ARHGEF17: variants seen among roughly 807,000 people sequenced by gnomAD.
ARHGEF17 encodes the protein 164 kDa Rho-specific guanine-nucleotide exchange factor.
A neutral mutation model predicts 174.0 loss-of-function variants in ARHGEF17; 80 were observed. That is an observed-to-expected ratio of 0.46 (90% CI 0.38 to 0.55). ARHGEF17 has a LOEUF of 0.55. Ranked by LOEUF, ARHGEF17 falls within the 20% of genes least tolerant of loss-of-function variation. ARHGEF17 has a pLI of 0.00. For missense variants in ARHGEF17, 2,886 were observed against 2,839.7 expected (o/e 1.02, Z -0.37); for synonymous variants, 1,311 against 1,189.1 (o/e 1.10, Z -2.11).
Position 73,340,647 on chromosome 11 carries a change from A to G in ARHGEF17, c.3193-6236A>G, listed in dbSNP as rs569880727. On this transcript the variant is annotated intron_variant, in intron 1 of 20. Coordinates refer to ENST00000263674, the MANE Select transcript of ARHGEF17 (RefSeq NM_014786.4). ...AGGAAGCTGATGCCCAGGGTTGTGTAGCTTGAGAGGGTCAGATGAGGGACG... is the reference window on the plus strand; with the variant it reads ...AGGAAGCTGATGCCCAGGGTTGTGTGGCTTGAGAGGGTCAGATGAGGGACG... Among the ~76,000 whole-genome samples, 3 of 152,322 alleles carry G rather than the reference A, an allele frequency of 2.0e-5. No homozygotes were observed. The South Asian group carries it at 6.2e-4, about 32-fold the overall frequency.
chr11:73,354,241 C>T (rs1372507085), intron 3 of ARHGEF17, among the ~76,000 whole-genome samples: 1 of 152,208 alleles, frequency 6.6e-6, no homozygotes, highest in Non-Finnish European at 1.5e-5. Context: ...TCAGTAAGCT[C>T]AGCCCCCTGC....
intron 1 of ARHGEF17, among the ~76,000 whole-genome samples, chr11:73,340,580 G>C (rs55771351): frequency 0.31 from 46,799 of 152,094 alleles, 9,456 homozygotes; most frequent in African/African-American, 0.58. Context: ...ATGGATGCAC[G>C]TCTCTAAATC....
chr11:73,361,812 C>T (rs1249435420), intron 12 of ARHGEF17, among the ~76,000 whole-genome samples: 1 of 151,728 alleles, frequency 6.6e-6, no homozygotes, highest in Non-Finnish European at 1.5e-5. Flanking sequence ...CATGAACCCA[C>T]CACTGCACCC....
intron 1 of ARHGEF17, among the ~76,000 whole-genome samples, chr11:73,313,597 G>A (rs967696091): frequency 6.6e-6 from 1 of 152,136 alleles, no homozygotes; most frequent in African/African-American, 2.4e-5. Flanking sequence ...GGACAGATCT[G>A]CCATAACATG....
At chr11:73,344,707 G>A (rs1335589403) in intron 1 of ARHGEF17, among the ~76,000 whole-genome samples, 2 of 152,244 alleles carry the variant, frequency 1.3e-5, no homozygotes, top group Non-Finnish European at 2.9e-5. Flanking sequence ...GTGATGGGAG[G>A]GCGGGGTTAT....
chr11:73,334,171 A>G (rs763884993), intron 1 of ARHGEF17, among the ~76,000 whole-genome samples: 6 of 152,212 alleles, frequency 3.9e-5, no homozygotes, highest in Non-Finnish European at 8.8e-5. Flanking sequence ...AGGTCTTTCA[A>G]TATGCCAAAA....
At chr11:73,354,110 G>A (rs946636095) in intron 3 of ARHGEF17, among the ~76,000 whole-genome samples, 1 of 152,202 alleles carries the variant, frequency 6.6e-6, no homozygotes, top group Non-Finnish European at 1.5e-5. Flanking sequence ...GCTGTGGGGT[G>A]GGGCCTTGAA....
rs1468842064 is a variant in ARHGEF17 at position 73,311,172 on chromosome 11, C to T, written c.2534C>T (p.Pro845Leu). 37 of 1,597,236 alleles carry T rather than the reference C, an allele frequency of 2.3e-5. No individual in the cohort carries two copies. The highest frequency in any genetic ancestry group is 2.6e-6 in the Non-Finnish European group (3 of 1,169,262). Residue 845 changes from proline to leucine, a missense_variant, in exon 1 of 21, where the codon CCT becomes CTT. Around this residue, in one of 4 missense-constraint regions of ARHGEF17, gnomAD observed 1,728 missense variants for 1,461.2 expected, o/e 1.18. Coordinates refer to ENST00000263674, the MANE Select transcript of ARHGEF17 (RefSeq NM_014786.4). ...GELAGPGFEG[P>L]GGEPIREVEP... The stretch of plus-strand genomic sequence containing the variant: ...CTGGCTGGGCCTGGATTCGAGGGCC[C>T]TGGAGGGGAGCCCATCCGAGAAGTT...
chr11:73,324,251 C>CATTAAAAA (rs1865065930), intron 1 of ARHGEF17, among the ~76,000 whole-genome samples: 2 of 146,388 alleles, frequency 1.4e-5, no homozygotes, highest in African/African-American at 2.5e-5. Flanking sequence ...CAGTTTGCCC[C>CATTAAAAA]GTGACCCAAT....
chr11:73,312,786 C>A (rs535640673), intron 1 of ARHGEF17, among the ~76,000 whole-genome samples: 1 of 152,026 alleles, frequency 6.6e-6, no homozygotes, highest in Non-Finnish European at 1.5e-5. Flanking sequence ...CACTCTACCC[C>A]CTTCTTGGTG....
At chr11:73,337,322 G>T (rs1010256482) in intron 1 of ARHGEF17, among the ~76,000 whole-genome samples, 2 of 150,982 alleles carry the variant, frequency 1.3e-5, no homozygotes, top group African/African-American at 4.9e-5. Flanking sequence ...CAGGAGGATC[G>T]CTTGAGCCCA....
chr11:73,355,762 GCT>G, intron 4 of ARHGEF17, 97 bp from the exon 5 acceptor site: 1 of 1,564,178 alleles, frequency 6.4e-7, no homozygotes, highest in Non-Finnish European at 8.8e-7. Context: ...GCCAGCCTCC[GCT>G]CTCAGGCTGA....
intron 1 of ARHGEF17, among the ~76,000 whole-genome samples, chr11:73,323,623 C>A (rs891160541): frequency 1.3e-5 from 2 of 152,196 alleles, no homozygotes; most frequent in African/African-American, 2.4e-5. Context: ...CAGCTCCTGC[C>A]GCTCCTGGGC....
chr11:73,364,858 G>A (rs1356082384), intron 18 of ARHGEF17: 1 of 462,438 alleles, frequency 2.2e-6, no homozygotes, highest in Non-Finnish European at 3.7e-6. Context: ...CTCAACTCAG[G>A]TTTTAGGGTC....
At chr11:73,316,609 G>T (rs1864932639) in intron 1 of ARHGEF17, among the ~76,000 whole-genome samples, 1 of 152,248 alleles carries the variant, frequency 6.6e-6, no homozygotes, top group Admixed American at 6.5e-5. Context: ...GAGAGGAACA[G>T]CAGATGCAAA....
chr11:73,341,346 A>C (rs1865365154), intron 1 of ARHGEF17, among the ~76,000 whole-genome samples: 1 of 152,090 alleles, frequency 6.6e-6, no homozygotes, highest in Non-Finnish European at 1.5e-5. Context: ...GCTGGAGTGC[A>C]ATGGTGCGAC....
chr11:73,331,365 C>G (rs1402635471), intron 1 of ARHGEF17, among the ~76,000 whole-genome samples: 1 of 152,148 alleles, frequency 6.6e-6, no homozygotes, highest in Non-Finnish European at 1.5e-5. Flanking sequence ...GGAGGGGACC[C>G]TGGACCCCTG....
In ARHGEF17 at chr11:73,308,773, G is replaced by A; in HGVS notation, c.135G>A (p.Arg45=). Residue 45 remains arginine (R), a synonymous_variant, in exon 1 of 21, where the codon CGG becomes CGA. Transcript: ENST00000263674. ...TPGLRRRASC[R]PTTAARGQPS... The stretch of plus-strand genomic sequence containing the variant: ...GCTTGAGGCGACGCGCCTCGTGCCG[G>A]CCGACCACGGCTGCCCGGGGCCAGC... 2.1e-6 allele frequency: 3 copies of A among 1,434,178 alleles called. No homozygotes were observed. The highest frequency in any genetic ancestry group is 2.7e-6 in the Non-Finnish European group (3 of 1,101,866). The allele number at this position is 1,434,178 out of a possible 1,614,324, so 88.8% of individuals were successfully genotyped here.
chr11:73,355,573 T>C lies in ARHGEF17; in HGVS notation c.3494T>C (p.Ile1165Thr). The C allele has an allele frequency of 2.5e-6, 4 of 1,614,182 alleles. No individual in the cohort carries two copies. Among genetic ancestry groups the C allele is most frequent in the Non-Finnish European group, 3.4e-6 (4 of 1,180,018 alleles). The change falls in exon 4 of 21, where the codon ATC becomes ACC. Residue 1165 changes from isoleucine (I) to threonine (T), a missense_variant. Ile to Thr is a moderately conservative substitution (Grantham distance 89). Coordinates refer to ENST00000263674, the MANE Select transcript of ARHGEF17 (RefSeq NM_014786.4). ...CTAGTAAACATCTATTCTGCCTATA[T>C]CGATAACTTCCTCAATGCAAAGGAT... is the stretch of plus-strand genomic sequence containing the variant. ...DVLVNIYSAY[I>T]DNFLNAKDAV...
Sources: allele counts gnomAD v4.1 joint callset (sites outside exome capture counted in the v4.1 genomes callset), GRCh38; gene constraint gnomAD v4.1.1; regional missense constraint gnomAD v4.1.1; transcripts MANE v1.5; gene names NCBI Gene and HGNC (gene_info 2026-07-23, HGNC 2026-07-21).